The following PIK3R4 variants were observed in gnomAD, a reference collection of about 807,000 sequenced individuals.
PIK3R4 encodes phosphoinositide-3-kinase regulatory subunit 4.
A neutral mutation model predicts 136.5 loss-of-function variants in PIK3R4; 46 were observed. That is an observed-to-expected ratio of 0.34 (90% CI 0.27 to 0.43). The LOEUF (loss-of-function observed/expected upper bound fraction) is 0.43, where lower values mean the gene tolerates loss of function less well. Ranked by LOEUF, PIK3R4 falls within the 20% of genes least tolerant of loss-of-function variation. PIK3R4 has a pLI of 1.00. For synonymous variants in PIK3R4, 557 were observed against 566.7 expected, an observed-to-expected ratio of 0.98 and a Z score of 0.24; for missense variants, 1,331 against 1,649.5, an observed-to-expected ratio of 0.81 and a Z score of 3.35.
chr3:130,696,920 T>G (rs1043800086), intron 13 of PIK3R4, among the ~76,000 whole-genome samples: 3 of 152,172 alleles, frequency 2.0e-5, no homozygotes, highest in Non-Finnish European at 4.4e-5. Context: ...AGTGTGTTTT[T>G]GGGGCTCTGC....
chr3:130,734,264 A>G, intron 3 of PIK3R4, 134 bp from the exon 4 acceptor site: 1 of 677,850 alleles, frequency 1.5e-6, no homozygotes, highest in Non-Finnish European at 2.5e-6. Context: ...TTGTGACTCC[A>G]TCATCCTAGA....
chr3:130,695,707 G>C (rs2066542203), intron 13 of PIK3R4, among the ~76,000 whole-genome samples: 1 of 152,108 alleles, frequency 6.6e-6, no homozygotes, highest in Admixed American at 6.5e-5. Flanking sequence ...TGTTCTATTA[G>C]TGTTGTTGAT....
At chr3:130,744,409 T>TA (rs1559832733) in intron 2 of PIK3R4, 77 bp downstream of exon 2, 5 of 1,469,346 alleles carry the variant, frequency 3.4e-6, no homozygotes, top group Non-Finnish European at 4.5e-6. Context: ...ATCTGGTGAC[T>TA]AAAAAAAGCC....
rs558420343 is a variant in PIK3R4 at position 130,712,919 on chromosome 3, C to A, written c.2331+3477G>T. On this transcript the variant is annotated intron_variant, in intron 9 of 19. Coordinates refer to ENST00000356763, the MANE Select transcript of PIK3R4 (RefSeq NM_014602.3). ...CCTCTGTTTATTTTACTTTAGAGGC[C>A]ACACAGCACAGTGTAGGAGTGTAGG... Among the ~76,000 whole-genome samples the A allele has an allele frequency of 2.0e-5, 3 of 152,316 alleles. No individual in the cohort carries two copies. In the East Asian group the frequency reaches 5.8e-4, roughly 29 times the overall value.
intron 13 of PIK3R4, among the ~76,000 whole-genome samples, chr3:130,700,377 C>T (rs1465088765): frequency 6.6e-6 from 1 of 152,170 alleles, no homozygotes; most frequent in Admixed American, 6.5e-5. Context: ...ATACCAAATG[C>T]ATCCATCTCC....
chr3:130,735,950 A>T lies in PIK3R4; in HGVS notation c.786T>A (p.Ser262=), dbSNP rs142933783. The T allele has an allele frequency of 1.5e-5, 24 of 1,612,200 alleles. No individual in the cohort carries two copies. Among genetic ancestry groups the T allele is most frequent in the Non-Finnish European group, 1.9e-5 (22 of 1,178,994 alleles). ...FTEGVPLFDL[S]QLLAYRNGHF... is the part of the protein sequence containing the mutation. ...GTCCATTTCTATAAGCCAAAAGTTG[A>T]GAGAGATCAAATAATGGTACACCTT... Residue 262 remains serine (S), a synonymous_variant, in exon 3 of 20, where the codon TCT becomes TCA. Transcript: ENST00000356763.
At chr3:130,710,990 G>C (rs2066629684) in intron 9 of PIK3R4, among the ~76,000 whole-genome samples, 1 of 148,384 alleles carries the variant, frequency 6.7e-6, no homozygotes, top group Non-Finnish European at 1.5e-5. Context: ...AAGAACCAAG[G>C]ATAGCCAAGA....
chr3:130,712,626 C>T (rs1380530317), intron 9 of PIK3R4, among the ~76,000 whole-genome samples: 1 of 151,886 alleles, frequency 6.6e-6, no homozygotes, highest in East Asian at 1.9e-4. Context: ...CGAGATCACA[C>T]CATTGCATTC....
chr3:130,727,877 TA>T (rs1263217346), intron 6 of PIK3R4, among the ~76,000 whole-genome samples: 2 of 152,042 alleles, frequency 1.3e-5, no homozygotes, highest in African/African-American at 2.4e-5. Context: ...GTCATGCATA[TA>T]AAACACAAGA....
chr3:130,722,047 A>G (rs1247501827), intron 7 of PIK3R4, among the ~76,000 whole-genome samples: 1 of 152,168 alleles, frequency 6.6e-6, no homozygotes, highest in Non-Finnish European at 1.5e-5. Flanking sequence ...GCTGGGGAAA[A>G]AAAAATCACT....
intron 9 of PIK3R4, among the ~76,000 whole-genome samples, chr3:130,713,630 GTAAC>G (rs1194459362): frequency 6.6e-6 from 1 of 152,104 alleles, no homozygotes. Context: ...GCCCCATGAG[GTAAC>G]TAATGACTGA....
In PIK3R4 at chr3:130,744,509, C is replaced by G; in HGVS notation, c.710G>C (p.Arg237Thr). The G allele has an allele frequency of 2.5e-6, 4 of 1,613,190 alleles. No homozygotes were observed. Among genetic ancestry groups the G allele is most frequent in the Non-Finnish European group, 3.4e-6 (4 of 1,179,442 alleles). ...ACCTGCTGAAAAGATGTCCATTGCTCTCTTCAACTCTCCTCTTGTTCTCTG... is the reference window on the plus strand; with the variant it reads ...ACCTGCTGAAAAGATGTCCATTGCTGTCTTCAACTCTCCTCTTGTTCTCTG... ...SNQRTRGELK[R>T]AMDIFSAGCV... is the part of the protein sequence containing the mutation. The change falls in exon 2 of 20, where the codon AGA (arginine) becomes ACA (threonine). Residue 237 changes from arginine (R) to threonine (T), a missense_variant. By Grantham distance (71) the Arg-to-Thr change is moderately conservative (BLOSUM62 -1). Transcript: ENST00000356763.
chr3:130,713,316 G>A (rs576802662), intron 9 of PIK3R4, among the ~76,000 whole-genome samples: 21 of 152,280 alleles, frequency 1.4e-4, no homozygotes, highest in African/African-American at 4.8e-4. Flanking sequence ...TAAAATGGGG[G>A]ATTATTTGTT....
At chr3:130,694,046 CA>C (rs554894597) in intron 13 of PIK3R4, among the ~76,000 whole-genome samples, 9 of 147,062 alleles carry the variant, frequency 6.1e-5, no homozygotes, top group Non-Finnish European at 7.5e-5. Context: ...ACACCTCTGT[CA>C]AAAAAAAAAT....
At chr3:130,695,178 T>G (rs1341458859) in intron 13 of PIK3R4, among the ~76,000 whole-genome samples, 1 of 152,180 alleles carries the variant, frequency 6.6e-6, no homozygotes, top group African/African-American at 2.4e-5. Context: ...TACTATTATT[T>G]TGTGGTAGAT....
At chr3:130,706,530 TG>T (rs1420956609) in intron 11 of PIK3R4, among the ~76,000 whole-genome samples, 1 of 152,214 alleles carries the variant, frequency 6.6e-6, no homozygotes, top group African/African-American at 2.4e-5. Flanking sequence ...AGGAATGATC[TG>T]TACATAAAAA....
intron 1 of PIK3R4, 113 bp downstream of exon 1, chr3:130,746,205 A>C (rs1258983809): frequency 6.6e-6 from 1 of 152,194 alleles, no homozygotes; most frequent in Admixed American, 6.6e-5. Flanking sequence ...AAAGAAAAGC[A>C]GACCAAAGTA....
At chr3:130,723,360 A>G (rs1258745176) in intron 7 of PIK3R4, 54 bp downstream of exon 7, 2 of 1,479,934 alleles carry the variant, frequency 1.4e-6, no homozygotes, top group African/African-American at 1.4e-5. Context: ...TATTACCTAG[A>G]AATTTTATAA....
intron 12 of PIK3R4, among the ~76,000 whole-genome samples, chr3:130,704,975 C>T (rs561309409): frequency 7.9e-5 from 12 of 152,066 alleles, no homozygotes; most frequent in South Asian, 4.2e-4. Context: ...GGATCACAGG[C>T]GTGTGCCACC....
Sources: gnomAD v4.1 joint callset for allele counts (sites outside exome capture counted in the v4.1 genomes callset) on GRCh38, gnomAD v4.1.1 for gene constraint, MANE v1.5 for transcripts, NCBI Gene and HGNC (gene_info 2026-07-23, HGNC 2026-07-21) for gene names.